The following ME1 variants were observed in gnomAD, a reference collection of about 807,000 sequenced individuals.
ME1 encodes malic enzyme 1, also known as NADP-dependent malic enzyme.
Under a neutral mutation model 66.4 loss-of-function variants are expected in ME1, and 74 were observed. The observed-to-expected ratio is 1.11, with a 90% CI of 0.92 to 1.35. The LOEUF (loss-of-function observed/expected upper bound fraction) is 1.35. Among genes scored for constraint, ME1 ranks in the 40% most tolerant of loss-of-function variants. The pLI, the probability that ME1 is intolerant of heterozygous loss-of-function variation, is 0.00. For missense variants in ME1, 750 were observed against 694.1 expected, an observed-to-expected ratio of 1.08 and a Z score of -0.90; for synonymous variants, 251 against 235.6, an observed-to-expected ratio of 1.07 and a Z score of -0.60.
intron 5 of ME1, among the ~76,000 whole-genome samples, chr6:83,322,121 G>T (rs1768189921): frequency 6.6e-6 from 1 of 152,130 alleles, no homozygotes; most frequent in South Asian, 2.1e-4. Context: ...CAACAAAAAG[G>T]ACAACCATGC....
In ME1 at chr6:83,360,732, C is replaced by T. The variant is rs111538894; in HGVS notation, c.363-8593G>A. 9.2e-3 allele frequency among the ~76,000 whole-genome samples: 1,399 copies of T among 152,298 alleles called. 30 individuals carry two copies. The highest frequency in any genetic ancestry group is 0.032 in the African/African-American group (1,315 of 41,554). On this transcript the variant is annotated intron_variant, in intron 3 of 13. Transcript: ENST00000369705. Reference sequence around the variant, plus strand: ...GGGGTGGTGTTTCCTACCACATCCCCGTTCAACTCTTCCATTTGTCCTGTG... The same window carrying T: ...GGGGTGGTGTTTCCTACCACATCCCTGTTCAACTCTTCCATTTGTCCTGTG...
At chr6:83,374,631 T>C (rs1472501466) in intron 3 of ME1, among the ~76,000 whole-genome samples, 1 of 152,242 alleles carries the variant, frequency 6.6e-6, no homozygotes, top group Non-Finnish European at 1.5e-5. Flanking sequence ...TTAGCAATGT[T>C]GCAATTGCTT....
chr6:83,386,499 C>G (rs1164934128), intron 3 of ME1, among the ~76,000 whole-genome samples: 1 of 151,856 alleles, frequency 6.6e-6, no homozygotes, highest in Non-Finnish European at 1.5e-5. Flanking sequence ...AGGACTGCCT[C>G]TCACCCCTTC....
At chr6:83,422,823 T>C (rs954121255) in intron 1 of ME1, among the ~76,000 whole-genome samples, 6 of 152,056 alleles carry the variant, frequency 3.9e-5, no homozygotes, top group Non-Finnish European at 7.4e-5. Flanking sequence ...CTTAAAAAAG[T>C]AGGCCTTTTG....
chr6:83,324,716 CAAA>C (rs55866196), intron 5 of ME1, among the ~76,000 whole-genome samples: 34 of 49,320 alleles, frequency 6.9e-4, no homozygotes, highest in East Asian at 2.8e-3. Flanking sequence ...GCCTACCAAC[CAAA>C]AAAAAAAAAA....
chr6:83,353,060 A>G (rs1768830087), intron 3 of ME1, among the ~76,000 whole-genome samples: 1 of 152,164 alleles, frequency 6.6e-6, no homozygotes, highest in Non-Finnish European at 1.5e-5. Flanking sequence ...TAAACCTTCC[A>G]TAGGCACTAT....
intron 3 of ME1, among the ~76,000 whole-genome samples, chr6:83,377,495 T>C (rs1368176836): frequency 6.6e-6 from 1 of 152,162 alleles, no homozygotes; most frequent in African/African-American, 2.4e-5. Flanking sequence ...ATTGATGAAA[T>C]TACCAGTCAC....
chr6:83,421,025 G>A (rs548950483), intron 1 of ME1, among the ~76,000 whole-genome samples: 14 of 152,138 alleles, frequency 9.2e-5, no homozygotes. Flanking sequence ...CAGACAGGGA[G>A]GGGGGGCCCA....
chr6:83,414,371 T>C (rs544979534), intron 1 of ME1, among the ~76,000 whole-genome samples: 11 of 152,238 alleles, frequency 7.2e-5, no homozygotes, highest in African/African-American at 2.4e-4. Context: ...CAAAAGATCA[T>C]TTGCTTTCAT....
intron 5 of ME1, among the ~76,000 whole-genome samples, chr6:83,340,428 C>T (rs999238248): frequency 1.3e-5 from 2 of 152,164 alleles, no homozygotes; most frequent in Admixed American, 6.5e-5. Context: ...TTAAAATATT[C>T]TGCAAGATTT....
At chr6:83,216,330 T>C (rs1351188330) in intron 13 of ME1, among the ~76,000 whole-genome samples, 168 bp downstream of exon 13, 1 of 152,202 alleles carries the variant, frequency 6.6e-6, no homozygotes, top group Non-Finnish European at 1.5e-5. Context: ...GAGAAGCAAA[T>C]GTAGCTCCTA....
At chr6:83,425,465 G>A (rs1191623485) in intron 1 of ME1, among the ~76,000 whole-genome samples, 1 of 152,154 alleles carries the variant, frequency 6.6e-6, no homozygotes, top group Non-Finnish European at 1.5e-5. Context: ...ATCATGGCGG[G>A]AGGGGAAACA....
Position 83,289,025 on chromosome 6 carries a change from C to T in ME1, c.704+26285G>A, listed in dbSNP as rs545329477. Among the ~76,000 whole-genome samples, 7 of 152,280 alleles carry T rather than the reference C, an allele frequency of 4.6e-5. No individual in the cohort carries two copies. In the South Asian group the frequency reaches 1.5e-3, roughly 32 times the overall value. ...GTATCCTGAGACTTTGCTGAAGTTG[C>T]TTATCAGCTTAAGGAAATTTGGGGC... On this transcript the variant is annotated intron_variant, in intron 6 of 13. Transcript: ENST00000369705.
intron 6 of ME1, among the ~76,000 whole-genome samples, chr6:83,261,272 T>C (rs1368480119): frequency 6.6e-6 from 1 of 152,178 alleles, no homozygotes; most frequent in African/African-American, 2.4e-5. Context: ...GAAAAGTGTC[T>C]CTTCATGTTC....
chr6:83,421,709 G>A (rs893691861), intron 1 of ME1, among the ~76,000 whole-genome samples: 2 of 152,046 alleles, frequency 1.3e-5, no homozygotes, highest in Non-Finnish European at 2.9e-5. Context: ...TTATCTTTCT[G>A]GTCCAAGAAT....
chr6:83,329,296 A>C (rs1437481570), intron 5 of ME1, among the ~76,000 whole-genome samples: 1 of 152,158 alleles, frequency 6.6e-6, no homozygotes, highest in Non-Finnish European at 1.5e-5. Flanking sequence ...CTTTGTATCT[A>C]TGCATATATA....
At chr6:83,243,037 T>G (rs1320598093) in intron 7 of ME1, among the ~76,000 whole-genome samples, 1 of 151,900 alleles carries the variant, frequency 6.6e-6, no homozygotes, top group Non-Finnish European at 1.5e-5. Context: ...GCAGGAGGGT[T>G]GCTTGAACCC....
At chr6:83,321,475 C>A (rs962554914) in intron 5 of ME1, among the ~76,000 whole-genome samples, 1 of 152,080 alleles carries the variant, frequency 6.6e-6, no homozygotes, top group Non-Finnish European at 1.5e-5. Context: ...GGAGGGATGT[C>A]CATCATTACT....
At chr6:83,294,582 T>A (rs1379778887) in intron 6 of ME1, among the ~76,000 whole-genome samples, 1 of 151,900 alleles carries the variant, frequency 6.6e-6, no homozygotes, top group Non-Finnish European at 1.5e-5. Context: ...GCTAAACAAT[T>A]CTTGGACGTG....
Sources: gnomAD v4.1 joint callset for allele counts (sites outside exome capture counted in the v4.1 genomes callset) on GRCh38, gnomAD v4.1.1 for gene constraint, MANE v1.5 for transcripts, NCBI Gene and HGNC (gene_info 2026-07-23, HGNC 2026-07-21) for gene names.